EPHA6: variants seen among roughly 807,000 people sequenced by gnomAD.
EPHA6 encodes the protein ephrin type-A receptor 6.
A neutral mutation model predicts 112.0 loss-of-function variants in EPHA6; 50 were observed. The ratio of observed to expected loss-of-function variants is 0.45; its 90% CI spans 0.36 to 0.56. The LOEUF (loss-of-function observed/expected upper bound fraction) is 0.56, where lower values mean the gene tolerates loss of function less well. EPHA6 is among the 20% of genes least tolerant of loss of function. The probability of loss-of-function intolerance (pLI) is 0.00; values close to 1 mark genes in which losing one functional copy is unlikely to be tolerated. For missense variants in EPHA6, 1,280 were observed against 1,417.4 expected (o/e 0.90, Z 1.56); for synonymous variants, 529 against 490.7 (o/e 1.08, Z -1.03).
At chr3:96,934,201 T>C (rs1194155771) in intron 2 of EPHA6, among the ~76,000 whole-genome samples, 2 of 152,000 alleles carry the variant, frequency 1.3e-5, no homozygotes, top group East Asian at 1.9e-4. Context: ...AATAGAATAC[T>C]TCACTTTGAT....
Position 96,989,560 on chromosome 3 carries a change from A to G in EPHA6, c.1114+1567A>G, listed in dbSNP as rs140896126. Among the ~76,000 whole-genome samples the G allele has an allele frequency of 3.3e-5, 5 of 152,316 alleles. No homozygotes were observed. In the East Asian group the frequency reaches 7.7e-4, roughly 24 times the overall value. The stretch of plus-strand genomic sequence containing the variant: ...TGTATTAGTTTGTTCTCATACTGCT[A>G]TAAGAACTTCCTGAGACTGGGTAAT... On this transcript the variant is annotated intron_variant, in intron 3 of 17. Coordinates refer to ENST00000389672, the MANE Select transcript of EPHA6 (RefSeq NM_001080448.3).
At position 97,523,550 on chromosome 3, in the gene EPHA6, G is replaced by A. The variant is rs114257605; in HGVS notation, c.2201-8808G>A. Reference sequence around the variant, plus strand: ...ACCTGTTAGGTCCATTTGGGGTAAAGGGTTGTTGAAGCCCATTCTTTTTCT... The same window carrying A: ...ACCTGTTAGGTCCATTTGGGGTAAAAGGTTGTTGAAGCCCATTCTTTTTCT... On this transcript the variant is annotated intron_variant, in intron 10 of 17. Coordinates refer to ENST00000389672, the MANE Select transcript of EPHA6 (RefSeq NM_001080448.3). Among the ~76,000 whole-genome samples, 1,209 of 152,106 alleles carry A rather than the reference G, an allele frequency of 7.9e-3. 17 individuals are homozygous for A. Among genetic ancestry groups the A allele is most frequent in the African/African-American group, 0.028 (1,156 of 41,540 alleles).
chr3:97,287,219 T>A (rs1425855703), intron 5 of EPHA6, among the ~76,000 whole-genome samples: 2 of 152,096 alleles, frequency 1.3e-5, no homozygotes, highest in African/African-American at 4.8e-5. Context: ...TTTTTCCAAT[T>A]TAGATGACTT....
intron 14 of EPHA6, among the ~76,000 whole-genome samples, chr3:97,669,036 AG>A (rs2030489523): frequency 6.6e-6 from 1 of 151,386 alleles, no homozygotes; most frequent in Admixed American, 6.6e-5. Flanking sequence ...CAGTATAAAT[AG>A]CCAACTCAGT....
intron 10 of EPHA6, among the ~76,000 whole-genome samples, chr3:97,494,589 A>G (rs2091929601): frequency 1.3e-5 from 2 of 152,166 alleles, no homozygotes; most frequent in Non-Finnish European, 2.9e-5. Context: ...CTATCTGACC[A>G]TCCAGCATTT....
chr3:96,879,749 T>C (rs2037197770), intron 2 of EPHA6, among the ~76,000 whole-genome samples: 1 of 152,142 alleles, frequency 6.6e-6, no homozygotes, highest in Non-Finnish European at 1.5e-5. Flanking sequence ...CCTAGGAATT[T>C]TGTTTCATTG....
chr3:97,350,234 A>G (rs2083742201), intron 5 of EPHA6, among the ~76,000 whole-genome samples: 1 of 152,108 alleles, frequency 6.6e-6, no homozygotes, highest in Non-Finnish European at 1.5e-5. Flanking sequence ...TCACACCAAG[A>G]ATGACAGACT....
intron 5 of EPHA6, among the ~76,000 whole-genome samples, chr3:97,272,297 CGTGTGTGTGTGTGTGT>C (rs58790255): frequency 0.023 from 3,504 of 149,716 alleles, 119 homozygotes; most frequent in African/African-American, 0.076. Flanking sequence ...TATTCCATTT[CGTGTGTGTGTGTGTGT>C]GTGTGTGTGT....
chr3:97,260,046 C>G (rs1051149906), intron 5 of EPHA6, among the ~76,000 whole-genome samples: 1 of 152,164 alleles, frequency 6.6e-6, no homozygotes, highest in Non-Finnish European at 1.5e-5. Flanking sequence ...GATGATCAGC[C>G]CGCTTCGGCC....
chr3:97,411,878 T>C (rs2087739141), intron 6 of EPHA6, among the ~76,000 whole-genome samples: 2 of 152,058 alleles, frequency 1.3e-5, no homozygotes, highest in African/African-American at 4.8e-5. Flanking sequence ...GGTAATAAAC[T>C]CAGGGGGAGT....
At chr3:96,976,790 A>T (rs1018594498) in intron 2 of EPHA6, among the ~76,000 whole-genome samples, 4 of 152,182 alleles carry the variant, frequency 2.6e-5, no homozygotes, top group Non-Finnish European at 4.4e-5. Context: ...TCTATACCAT[A>T]GCACAGGTAT....
intron 3 of EPHA6, among the ~76,000 whole-genome samples, chr3:97,110,315 C>A (rs2108280484): frequency 6.6e-6 from 1 of 152,146 alleles, no homozygotes; most frequent in Non-Finnish European, 1.5e-5. Context: ...TTTCAGGTAC[C>A]AGCCCAGAGT....
Position 97,213,997 on chromosome 3 carries a change from C to CTGTGTGTGTGTG in EPHA6, c.1115-12236_1115-12225dup, listed in dbSNP as rs10557927. On this transcript the variant is annotated intron_variant, in intron 3 of 17. Coordinates refer to ENST00000389672, the MANE Select transcript of EPHA6 (RefSeq NM_001080448.3). ...TTATCTAATCATAATCTCATGTGTT[C>CTGTGTGTGTGTG]TGTGTGTGTGTGTGTGTGTGTGTGT... Among the ~76,000 whole-genome samples, 90 of 128,932 alleles carry CTGTGTGTGTGTG rather than the reference C, an allele frequency of 7.0e-4. 2 individuals carry two copies. Among genetic ancestry groups the CTGTGTGTGTGTG allele is most frequent in the African/African-American group, 2.7e-3 (85 of 31,438 alleles). 84.6% of individuals were successfully genotyped at this position (128,932 alleles called of 152,430 possible).
chr3:97,722,723 T>G (rs2034585259), intron 15 of EPHA6, among the ~76,000 whole-genome samples: 1 of 152,108 alleles, frequency 6.6e-6, no homozygotes, highest in Admixed American at 6.5e-5. Flanking sequence ...GATATTGGGT[T>G]GTTGATTTAA....
intron 3 of EPHA6, among the ~76,000 whole-genome samples, chr3:97,211,926 T>TCAAAGTGCCTGGCTCATGC (rs2077887468): frequency 1.3e-5 from 2 of 152,316 alleles, no homozygotes; most frequent in East Asian, 3.9e-4. Context: ...AAAGTGCTTA[T>TCAAAGTGCCTGGCTCATGC]CAAAGTGCCT....
At position 97,754,439 on chromosome 3, in the gene EPHA6, AAG is replaced by A. The variant is rs2107929100; in HGVS notation, c.*5741_*5742del. On this transcript the variant is annotated 3_prime_UTR_variant, in exon 18 of 18. Coordinates refer to ENST00000389672, the MANE Select transcript of EPHA6 (RefSeq NM_001080448.3). ...CTTGGATTCTTTGCTCTTAATTCAA[AAG>A]AGTTTTTGTTTTATTAGCATTTACT... Among the ~76,000 whole-genome samples, 1 of 152,298 alleles carries A rather than the reference AAG, an allele frequency of 6.6e-6. No homozygotes were observed.
At chr3:97,706,350 A>C (rs995741787) in intron 14 of EPHA6, among the ~76,000 whole-genome samples, 4 of 152,222 alleles carry the variant, frequency 2.6e-5, no homozygotes, top group Non-Finnish European at 5.9e-5. Flanking sequence ...AAAAGAAATC[A>C]AACCAAATTT....
chr3:97,598,688 C>T (rs1319647938), intron 12 of EPHA6, among the ~76,000 whole-genome samples: 3 of 151,270 alleles, frequency 2.0e-5, no homozygotes, highest in Admixed American at 6.6e-5. Flanking sequence ...GGGTTGGTTC[C>T]GAGTCTTTGC....
chr3:97,720,910 T>C (rs2034499978), intron 15 of EPHA6, among the ~76,000 whole-genome samples: 1 of 152,198 alleles, frequency 6.6e-6, no homozygotes. Flanking sequence ...TTTGTTTCTA[T>C]TTTATCTATA....
Sources: gnomAD v4.1 joint callset for allele counts (sites outside exome capture counted in the v4.1 genomes callset) on GRCh38, gnomAD v4.1.1 for gene constraint, MANE v1.5 for transcripts, NCBI Gene and HGNC (gene_info 2026-07-23, HGNC 2026-07-21) for gene names.